Variants in TDRD10 observed in about 807,000 individuals in gnomAD.
The protein encoded by TDRD10 is tudor domain containing 10.
A neutral mutation model predicts 48.0 loss-of-function variants in TDRD10; 40 were observed. The observed-to-expected ratio is 0.83, with a 90% CI of 0.65 to 1.09. The LOEUF (loss-of-function observed/expected upper bound fraction) is 1.09. Among genes scored for constraint, TDRD10 ranks in the 50% least tolerant of loss-of-function variants. The pLI, the probability that TDRD10 is intolerant of heterozygous loss-of-function variation, is 0.00. For synonymous variants in TDRD10, 162 were observed against 170.4 expected (o/e 0.95, Z 0.38); for missense variants, 378 against 434.7 (o/e 0.87, Z 1.16).
At chr1:154,542,402 A>G (rs1243056844) in intron 7 of TDRD10, among the ~76,000 whole-genome samples, 7 of 152,204 alleles carry the variant, frequency 4.6e-5, no homozygotes, top group Admixed American at 3.3e-4. Flanking sequence ...TAATTGTTAA[A>G]ATTTTTTGTG....
intron 4 of TDRD10, among the ~76,000 whole-genome samples, chr1:154,516,400 TA>T (rs959743299): frequency 2.6e-5 from 4 of 151,494 alleles, no homozygotes; most frequent in South Asian, 2.1e-4. Flanking sequence ...GTCTTCCACA[TA>T]GGGGGATGAG....
intron 3 of TDRD10, 140 bp from the exon 4 acceptor site, chr1:154,508,283 G>C: frequency 1.5e-6 from 1 of 672,286 alleles, no homozygotes; most frequent in Non-Finnish European, 2.7e-6. Flanking sequence ...GGGAGACTGA[G>C]GTAGGAGGAT....
chr1:154,517,573 C>T (rs181860726), intron 4 of TDRD10, among the ~76,000 whole-genome samples: 7 of 152,206 alleles, frequency 4.6e-5, no homozygotes, highest in African/African-American at 1.7e-4. Flanking sequence ...CAGGCATCCG[C>T]CACCACGCCT....
rs1442125351 is a variant in TDRD10, at chr1:154,521,331, T to C, written c.221T>C (p.Phe74Ser). The change falls in exon 6 of 13, where the codon TTT becomes TCT. Residue 74 changes from phenylalanine to serine, a missense_variant. By Grantham distance (155) the Phe-to-Ser change is radical. Transcript: ENST00000368482. ...KIQNGCKCFA[F>S]VDLGSMQKVT... The stretch of plus-strand genomic sequence containing the variant: ...CTCTCTTCCCTTTTCAGCTTTGCAT[T>C]TGTAGATCTGGGCTCCATGCAGAAA... 1 of 1,613,650 alleles carries C rather than the reference T, an allele frequency of 6.2e-7. No individual in the cohort carries two copies. Among genetic ancestry groups the C allele is most frequent in the Non-Finnish European group, 8.5e-7 (1 of 1,179,908 alleles).
At chr1:154,534,204 G>T (rs1167731525) in intron 6 of TDRD10, among the ~76,000 whole-genome samples, 1 of 152,022 alleles carries the variant, frequency 6.6e-6, no homozygotes, top group Non-Finnish European at 1.5e-5. Context: ...AGACAGTAAG[G>T]CCCCCAAAAT....
At chr1:154,535,381 A>G (rs533561514) in intron 6 of TDRD10, among the ~76,000 whole-genome samples, 5 of 150,672 alleles carry the variant, frequency 3.3e-5, no homozygotes, top group East Asian at 2.0e-4. Context: ...AAAAAAAAAA[A>G]AGAGAGAGAG....
chr1:154,547,512 C>T (rs753722409), intron 12 of TDRD10, 33 bp downstream of exon 12: 2 of 1,614,090 alleles, frequency 1.2e-6, no homozygotes, highest in Non-Finnish European at 1.7e-6. Flanking sequence ...TGGCTGTTGT[C>T]CCTCCACTCC....
intron 8 of TDRD10, among the ~76,000 whole-genome samples, chr1:154,543,126 T>C (rs1695342118): frequency 6.6e-6 from 1 of 152,008 alleles, no homozygotes; most frequent in East Asian, 1.9e-4. Flanking sequence ...AAATAAAAAA[T>C]TAGCCGGGCA....
chr1:154,547,269 G>C, intron 11 of TDRD10, 140 bp from the exon 12 acceptor site: 1 of 787,004 alleles, frequency 1.3e-6, no homozygotes, highest in South Asian at 1.7e-5. Context: ...GATTTAGCAG[G>C]AACTAGCAGA....
intron 1 of TDRD10, among the ~76,000 whole-genome samples, 183 bp downstream of exon 1, chr1:154,503,212 C>A (rs1033423466): frequency 3.3e-5 from 5 of 151,942 alleles, no homozygotes; most frequent in African/African-American, 1.2e-4. Context: ...TTTGTGCGGG[C>A]GGGGAGTGCC....
At chr1:154,522,338 C>G (rs958502474) in intron 6 of TDRD10, among the ~76,000 whole-genome samples, 2 of 152,092 alleles carry the variant, frequency 1.3e-5, no homozygotes, top group African/African-American at 4.8e-5. Flanking sequence ...CTTAAGTGCA[C>G]AGATGCTGAG....
chr1:154,506,843 G>C, intron 1 of TDRD10, 34 bp from the exon 2 acceptor site: 1 of 1,577,780 alleles, frequency 6.3e-7, no homozygotes, highest in South Asian at 1.1e-5. Context: ...AACTATCCTG[G>C]CATTCCTCTA....
At chr1:154,528,524 CA>C (rs1056078165) in intron 6 of TDRD10, among the ~76,000 whole-genome samples, 39 of 150,970 alleles carry the variant, frequency 2.6e-4, no homozygotes, top group African/African-American at 9.2e-4. Flanking sequence ...TGCACCCTGC[CA>C]AAAAAAATTT....
intron 4 of TDRD10, among the ~76,000 whole-genome samples, chr1:154,515,670 C>T (rs1488226288): frequency 1.3e-5 from 2 of 152,306 alleles, no homozygotes; most frequent in Middle Eastern, 3.4e-3. Context: ...CTCTGTGTCT[C>T]CTTAATACTT....
Position 154,506,912 on chromosome 1 carries a change from C to G in TDRD10, c.2+7C>G. 6.2e-7 allele frequency: 1 copy of G among 1,614,162 alleles called. No individual in the cohort carries two copies. The highest frequency in any genetic ancestry group is 8.5e-7 in the Non-Finnish European group (1 of 1,180,024). On this transcript the variant is annotated splice_region_variant and intron_variant, in intron 2 of 12. Coordinates refer to ENST00000368482, the MANE Select transcript of TDRD10 (RefSeq NM_182499.4). The stretch of plus-strand genomic sequence containing the variant: ...TGGAAAGCAACTGCAGCATGTAAGT[C>G]CCTTCCTTTTGCTGATGAGCAAGCC...
intron 6 of TDRD10, among the ~76,000 whole-genome samples, chr1:154,521,891 C>T (rs953245249): frequency 1.3e-5 from 2 of 152,050 alleles, no homozygotes; most frequent in African/African-American, 4.8e-5. Context: ...GGAAGATAAA[C>T]GTTGCCAAAT....
intron 4 of TDRD10, 84 bp from the exon 5 acceptor site, chr1:154,520,220 C>A (rs1693986539): frequency 4.2e-6 from 4 of 950,128 alleles, no homozygotes; most frequent in Non-Finnish European, 6.9e-6. Flanking sequence ...TGAGTCCAGA[C>A]TAGCTGGCTG....
intron 4 of TDRD10, among the ~76,000 whole-genome samples, chr1:154,512,994 TATG>T (rs753784670): frequency 6.6e-6 from 1 of 152,196 alleles, no homozygotes; most frequent in Non-Finnish European, 1.5e-5. Context: ...GGAGAGATGT[TATG>T]ATGAAACGGG....
At chr1:154,540,425 C>T (rs963177844) in intron 6 of TDRD10, among the ~76,000 whole-genome samples, 3 of 146,994 alleles carry the variant, frequency 2.0e-5, no homozygotes, top group African/African-American at 7.8e-5. Context: ...AATCCCAGCA[C>T]TCTGGAAGGC....
Sources: allele counts gnomAD v4.1 joint callset (sites outside exome capture counted in the v4.1 genomes callset), GRCh38; gene constraint gnomAD v4.1.1; transcripts MANE v1.5; gene names NCBI Gene and HGNC (gene_info 2026-07-23, HGNC 2026-07-21).